Variants in IPO9 observed in about 807,000 individuals in gnomAD.
IPO9 encodes the protein importin 9, also known as importin-9.
In IPO9, 28 loss-of-function variants were observed where a neutral mutation model predicts 128.6. That is an observed-to-expected ratio of 0.22 (90% CI 0.16 to 0.30). The LOEUF is 0.30. IPO9 is among the 10% of genes least tolerant of loss of function. IPO9 has a pLI of 1.00. For missense variants in IPO9, 935 were observed against 1,293.9 expected (o/e 0.72, Z 4.26); for synonymous variants, 455 against 475.8 (o/e 0.96, Z 0.57).
intron 19 of IPO9, among the ~76,000 whole-genome samples, chr1:201,872,122 C>G (rs1320362335): frequency 1.3e-5 from 2 of 152,128 alleles, no homozygotes; most frequent in Non-Finnish European, 2.9e-5. Flanking sequence ...GTAATCCCAG[C>G]TACTCGGGAG....
rs368567547 is a variant in IPO9, at chr1:201,865,561, C to T, written c.1629-1172C>T. 5.9e-5 allele frequency among the ~76,000 whole-genome samples: 9 copies of T among 152,198 alleles called. No individual in the cohort carries two copies. In the East Asian group the frequency reaches 1.3e-3, roughly 23 times the overall value. On this transcript the variant is annotated intron_variant, in intron 14 of 23. Coordinates refer to ENST00000361565, the MANE Select transcript of IPO9 (RefSeq NM_018085.5). Reference sequence around the variant, plus strand: ...AACCTTTTAATGATCAGCATTCCACCGTTGCTTTTCTTTTTTTCTTTAGCC... The same window carrying T: ...AACCTTTTAATGATCAGCATTCCACTGTTGCTTTTCTTTTTTTCTTTAGCC...
intron 1 of IPO9, among the ~76,000 whole-genome samples, chr1:201,839,990 C>G (rs914000182): frequency 1.3e-5 from 2 of 152,200 alleles, no homozygotes; most frequent in African/African-American, 4.8e-5. Flanking sequence ...AAACAACACT[C>G]AGACATACAA....
In IPO9 at chr1:201,829,261, G is replaced by T; in HGVS notation, c.52G>T (p.Ala18Ser). The part of the protein sequence containing the change: ...GAASGLPGPV[A>S]QGLKEALVDT... The stretch of plus-strand genomic sequence containing the variant: ...GGCCTCCGGGCTGCCGGGTCCAGTG[G>T]CACAAGGATTAAAGGAAGCGTTAGT... Residue 18 changes from alanine to serine, a missense_variant, in exon 1 of 24, where the codon GCA (alanine) becomes TCA (serine). Physicochemically the swap from Ala to Ser is moderately conservative, Grantham distance 99 (BLOSUM62 1). Transcript: ENST00000361565. The T allele has an allele frequency of 6.3e-7, 1 of 1,592,898 alleles. No homozygotes were observed. Among genetic ancestry groups the T allele is most frequent in the Non-Finnish European group, 8.5e-7 (1 of 1,171,940 alleles).
Position 201,883,075 on chromosome 1 carries a change from G to A in IPO9, c.*7021G>A, listed in dbSNP as rs1680918541. 1 of 152,480 alleles carries A rather than the reference G, an allele frequency of 6.6e-6. No individual in the cohort carries two copies. Among genetic ancestry groups the A allele is most frequent in the Non-Finnish European group, 1.5e-5 (1 of 68,024 alleles). The allele number at this position is 152,480 out of a possible 1,614,324, so 9.4% of individuals were successfully genotyped here. ...CCTGAGGAACATGATAGAAACAGGT[G>A]GTAGGCCCAGCTCTTGCCTTCCACC... On this transcript the variant is annotated 3_prime_UTR_variant, in exon 24 of 24. Transcript: ENST00000361565.
Position 201,869,628 on chromosome 1 carries a change from A to C in IPO9, c.2043A>C (p.Thr681=). The C allele has an allele frequency of 7.4e-6, 12 of 1,614,158 alleles. No individual in the cohort carries two copies. The highest frequency in any genetic ancestry group is 9.3e-6 in the Non-Finnish European group (11 of 1,180,008). ...TCCTGACAACAGTAGTACGAAATAC[A>C]AAGCCTCCCCTTTCCCAGCTTCTCA... is the stretch of plus-strand genomic sequence containing the variant. The part of the protein sequence containing the change: ...IDILTTVVRN[T]KPPLSQLLIC... Residue 681 remains threonine, a synonymous_variant, in exon 17 of 24, where the codon ACA becomes ACC. Coordinates refer to ENST00000361565, the MANE Select transcript of IPO9 (RefSeq NM_018085.5).
In IPO9 at chr1:201,858,816, GT is replaced by G. The variant is rs1680381417; in HGVS notation, c.1329-36del. 7.7e-6 allele frequency: 12 copies of G among 1,568,234 alleles called. No individual in the cohort carries two copies. The South Asian group carries it at 1.3e-4, about 17-fold the overall frequency. On this transcript the variant is annotated intron_variant, in intron 12 of 23. Coordinates refer to ENST00000361565, the MANE Select transcript of IPO9 (RefSeq NM_018085.5). ...CCTCAAATATTTATCTCTTTTGGCAGTTTAGTATGTTTTACTAGGCTGTAGT... is the reference window on the plus strand; with the variant it reads ...CCTCAAATATTTATCTCTTTTGGCAGTTAGTATGTTTTACTAGGCTGTAGT...
rs778649449 is a variant in IPO9 at position 201,876,401 on chromosome 1, G to A, written c.*347G>A. 48 of 394,994 alleles carry A rather than the reference G, an allele frequency of 1.2e-4. No homozygotes were observed. The highest frequency in any genetic ancestry group is 7.9e-4 in the Middle Eastern group (1 of 1,268). The allele number at this position is 394,994 out of a possible 1,614,324, so 24.5% of individuals were successfully genotyped here. On this transcript the variant is annotated 3_prime_UTR_variant, in exon 24 of 24. Coordinates refer to ENST00000361565, the MANE Select transcript of IPO9 (RefSeq NM_018085.5). ...ATGTGTTTATGGATTATTTTGCCCC[G>A]CCTCAGGAGCGCAGGAAGTCACTAC...
chr1:201,866,721 ATC>A lies in IPO9; in HGVS notation c.1629-4_1629-3del. On this transcript the variant is annotated splice_polypyrimidine_tract_variant and intron_variant, in intron 14 of 23. Transcript: ENST00000361565. ...TTTTTTTAATAATTCTTGCTTATCT[ATC>A]TCTCTCTAGTTATTGTGACCAACTG... 2 of 1,591,846 alleles carry A rather than the reference ATC, an allele frequency of 1.3e-6. No homozygotes were observed. The highest frequency in any genetic ancestry group is 1.7e-4 in the Middle Eastern group (1 of 6,012).
rs112692585 is a variant in IPO9 at position 201,868,922 on chromosome 1, T to G, written c.2004+126T>G. On this transcript the variant is annotated intron_variant, in intron 16 of 23. Coordinates refer to ENST00000361565, the MANE Select transcript of IPO9 (RefSeq NM_018085.5). ...ATGGGGTGATTTTGCTGAGCTCTTT[T>G]GCCTGCAAGGACAGTGGGTGATTCT... is the stretch of plus-strand genomic sequence containing the variant. 6.5e-3 allele frequency: 8,731 copies of G among 1,337,146 alleles called. 405 individuals carry two copies. The African/African-American group carries it at 0.1, about 16-fold the overall frequency. The allele number at this position is 1,337,146 out of a possible 1,614,324, so 82.8% of individuals were successfully genotyped here.
In IPO9 at chr1:201,858,888, A is replaced by T; in HGVS notation, c.1362A>T (p.Leu454=). The change falls in exon 13 of 24, where the codon CTA becomes CTT. Residue 454 remains leucine, a synonymous_variant. Transcript: ENST00000361565. ...TCCATGAGGCATGCATGCTTGCCCT[A>T]GGCTCAGTGAAGGCCATCATCACTG... ...WKIHEACMLA[L]GSVKAIITDS... is the part of the protein sequence containing the mutation. The T allele has an allele frequency of 6.2e-7, 1 of 1,611,296 alleles. No individual in the cohort carries two copies. The highest frequency in any genetic ancestry group is 8.5e-7 in the Non-Finnish European group (1 of 1,177,806).
chr1:201,864,174 T>C (rs1356293226), intron 14 of IPO9, among the ~76,000 whole-genome samples: 1 of 152,214 alleles, frequency 6.6e-6, no homozygotes, highest in African/African-American at 2.4e-5. Flanking sequence ...ATCCTATAAC[T>C]ACCAACACAA....
chr1:201,853,073 C>G lies in IPO9; in HGVS notation c.666C>G (p.Ile222Met), dbSNP rs765547478. The change falls in exon 6 of 24, where the codon ATC becomes ATG. Residue 222 changes from isoleucine to methionine, a missense_variant. Ile to Met is a conservative substitution (Grantham distance 10). Coordinates refer to ENST00000361565, the MANE Select transcript of IPO9 (RefSeq NM_018085.5). ...TTTTTACCACTTGTGCCCATATGAT[C>G]TGTAACATGGAGGAGCTGGAAAAGG... ...VEIFTTCAHM[I>M]CNMEELEKGA... is the part of the protein sequence containing the mutation. 5 of 1,614,074 alleles carry G rather than the reference C, an allele frequency of 3.1e-6. No homozygotes were observed. The highest frequency in any genetic ancestry group is 1.6e-4 in the Middle Eastern group (1 of 6,062).
At chr1:201,863,708 C>T (rs1236765808) in intron 14 of IPO9, 101 bp downstream of exon 14, 3 of 1,068,558 alleles carry the variant, frequency 2.8e-6, no homozygotes, top group African/African-American at 3.1e-5. Context: ...GAAATCCCTG[C>T]TAATGATATC....
intron 1 of IPO9, among the ~76,000 whole-genome samples, chr1:201,835,302 C>T (rs564260104): frequency 6.6e-6 from 1 of 152,312 alleles, no homozygotes; most frequent in Admixed American, 6.5e-5. Context: ...CCATGCTCTC[C>T]TTTGGGTTTT....
intron 1 of IPO9, among the ~76,000 whole-genome samples, chr1:201,843,108 G>C (rs1351553980): frequency 6.6e-6 from 1 of 152,190 alleles, no homozygotes; most frequent in Admixed American, 6.5e-5. Context: ...TACTAGTCTA[G>C]CAAGTACCTC....
intron 1 of IPO9, among the ~76,000 whole-genome samples, chr1:201,842,079 G>A (rs899211262): frequency 3.9e-5 from 6 of 152,138 alleles, no homozygotes; most frequent in Admixed American, 1.3e-4. Flanking sequence ...CAGATTGAAA[G>A]CTCAGTCCCC....
At position 201,860,004 on chromosome 1, in the gene IPO9, G is replaced by A. The variant is rs184345936; in HGVS notation, c.1468+1010G>A. 3.0e-3 allele frequency among the ~76,000 whole-genome samples: 457 copies of A among 151,442 alleles called. 1 individual carries two copies. The highest frequency in any genetic ancestry group is 9.7e-3 in the African/African-American group (400 of 41,280). On this transcript the variant is annotated intron_variant, in intron 13 of 23. Coordinates refer to ENST00000361565, the MANE Select transcript of IPO9 (RefSeq NM_018085.5). ...CTTTACTATTAGACCGATTTCTTCC[G>A]CAATACAGAGCAGTAGCTGAGAATC...
chr1:201,862,975 T>G (rs1308927752), intron 13 of IPO9, among the ~76,000 whole-genome samples: 3 of 152,200 alleles, frequency 2.0e-5, no homozygotes, highest in Non-Finnish European at 2.9e-5. Context: ...AGGTCACACA[T>G]TTGCTTTCAT....
At chr1:201,845,010 A>C (rs1359587030) in intron 1 of IPO9, among the ~76,000 whole-genome samples, 1 of 143,182 alleles carries the variant, frequency 7.0e-6, no homozygotes, top group East Asian at 2.0e-4. Context: ...TATTGATACC[A>C]GTATTTTTTT....
Sources: gnomAD v4.1 joint callset for allele counts (sites outside exome capture counted in the v4.1 genomes callset) on GRCh38, gnomAD v4.1.1 for gene constraint, MANE v1.5 for transcripts, NCBI Gene and HGNC (gene_info 2026-07-23, HGNC 2026-07-21) for gene names.